Variants in DYM observed in about 807,000 individuals in gnomAD.
DYM encodes the protein dymeclin, also known as dyggve-Melchior-Clausen syndrome protein.
DYM carries 78 observed loss-of-function variants against 93.1 expected under a neutral mutation model. The observed-to-expected ratio is 0.84, with a 90% CI of 0.70 to 1.01. The LOEUF (loss-of-function observed/expected upper bound fraction) is 1.01. DYM is among the 50% of genes least tolerant of loss of function. The pLI is 0.00. For missense variants in DYM, 789 were observed against 845.0 expected (o/e 0.93, Z 0.82); for synonymous variants, 321 against 319.7 (o/e 1.00, Z -0.04).
At chr18:49,269,990 T>C (rs989948867) in intron 11 of DYM, among the ~76,000 whole-genome samples, 11 of 152,216 alleles carry the variant, frequency 7.2e-5, no homozygotes, top group African/African-American at 2.7e-4. Context: ...ATTTTTATGG[T>C]AGCTTTTCTA....
chr18:49,409,394 A>C (rs2071940858), intron 2 of DYM, among the ~76,000 whole-genome samples: 1 of 152,176 alleles, frequency 6.6e-6, no homozygotes. Context: ...ATTGCTGCTT[A>C]AGCAGAAAAT....
chr18:49,362,629 T>A (rs1006443969), intron 6 of DYM, among the ~76,000 whole-genome samples: 14 of 152,084 alleles, frequency 9.2e-5, no homozygotes, highest in African/African-American at 3.1e-4. Context: ...GCTGTTAAGA[T>A]CAAAAAGATG....
intron 8 of DYM, among the ~76,000 whole-genome samples, chr18:49,316,761 T>G (rs974290527): frequency 6.7e-6 from 1 of 149,716 alleles, no homozygotes; most frequent in Non-Finnish European, 1.5e-5. Context: ...TTTTACTATC[T>G]CTCTTTTTTT....
chr18:49,120,404 C>G (rs1047354268), intron 15 of DYM, among the ~76,000 whole-genome samples: 1 of 152,064 alleles, frequency 6.6e-6, no homozygotes, highest in African/African-American at 2.4e-5. Flanking sequence ...AAACGTAAGT[C>G]AAAAGAAAGC....
At position 49,454,907 on chromosome 18, in the gene DYM, CAA is replaced by C. The variant is rs35671085; in HGVS notation, c.-54+5489_-54+5490del. Among the ~76,000 whole-genome samples the C allele has an allele frequency of 6.1e-3, 444 of 73,214 alleles. 1 individual carries two copies. Among genetic ancestry groups the C allele is most frequent in the African/African-American group, 0.018 (356 of 20,148 alleles). 48.0% of individuals were successfully genotyped at this position (73,214 alleles called of 152,430 possible). ...TGGGTGATAGAGCGAGACTCTGTCT[CAA>C]AAAAAAAAAAAAAAAAAAAAAATCT... is the stretch of plus-strand genomic sequence containing the variant. On this transcript the variant is annotated intron_variant, in intron 1 of 17. Transcript: ENST00000675505.
At chr18:49,243,085 A>G (rs571433596) in intron 13 of DYM, among the ~76,000 whole-genome samples, 1 of 152,304 alleles carries the variant, frequency 6.6e-6, no homozygotes, top group Admixed American at 6.5e-5. Flanking sequence ...CTACTTTAAA[A>G]GAGGAGACCT....
At chr18:49,185,405 T>C (rs2090341167) in intron 14 of DYM, among the ~76,000 whole-genome samples, 1 of 152,218 alleles carries the variant, frequency 6.6e-6, no homozygotes, top group Non-Finnish European at 1.5e-5. Flanking sequence ...TATATGACTG[T>C]GGAAACTTGT....
At chr18:49,199,093 C>T (rs1387070589) in intron 14 of DYM, among the ~76,000 whole-genome samples, 1 of 152,154 alleles carries the variant, frequency 6.6e-6, no homozygotes, top group Non-Finnish European at 1.5e-5. Flanking sequence ...ATGGATGAAG[C>T]TGGAAACCAT....
chr18:49,141,626 T>C (rs2084508690), intron 15 of DYM, among the ~76,000 whole-genome samples: 1 of 152,194 alleles, frequency 6.6e-6, no homozygotes, highest in African/African-American at 2.4e-5. Context: ...CTCAGTTAAA[T>C]ATCACTTTCT....
At chr18:49,369,628 A>C (rs977887871) in intron 5 of DYM, among the ~76,000 whole-genome samples, 2 of 151,058 alleles carry the variant, frequency 1.3e-5, no homozygotes, top group African/African-American at 4.8e-5. Flanking sequence ...TCAATCTAAT[A>C]AATTCATGAC....
chr18:49,388,801 T>C (rs1281343499), intron 3 of DYM, among the ~76,000 whole-genome samples: 3 of 148,756 alleles, frequency 2.0e-5, no homozygotes, highest in Non-Finnish European at 4.5e-5. Flanking sequence ...AGCTAGAAAA[T>C]AACGAAATGA....
chr18:49,419,940 A>G (rs1295811168), intron 2 of DYM, among the ~76,000 whole-genome samples: 1 of 152,212 alleles, frequency 6.6e-6, no homozygotes, highest in Non-Finnish European at 1.5e-5. Context: ...TCTAAGTCGT[A>G]TCACTATCAC....
intron 12 of DYM, among the ~76,000 whole-genome samples, chr18:49,257,498 T>C (rs2094411039): frequency 6.6e-6 from 1 of 152,030 alleles, no homozygotes; most frequent in Admixed American, 6.5e-5. Flanking sequence ...GGGTTTCAGA[T>C]AAAAAACATG....
At chr18:49,298,651 GT>G (rs990695275) in intron 8 of DYM, among the ~76,000 whole-genome samples, 4 of 149,750 alleles carry the variant, frequency 2.7e-5, no homozygotes, top group African/African-American at 9.8e-5. Flanking sequence ...TCATATGGAA[GT>G]TTTTTTTAAG....
At chr18:49,423,482 G>A (rs1347482286) in intron 2 of DYM, among the ~76,000 whole-genome samples, 2 of 152,164 alleles carry the variant, frequency 1.3e-5, no homozygotes, top group Non-Finnish European at 2.9e-5. Flanking sequence ...ACAATTAAAA[G>A]AACTAGAGAA....
At position 49,095,103 on chromosome 18, in the gene DYM, T is replaced by A. The variant is rs138831991; in HGVS notation, c.2025+2299A>T. Among the ~76,000 whole-genome samples, 467 of 152,312 alleles carry A rather than the reference T, an allele frequency of 3.1e-3. 3 individuals are homozygous for A. Among genetic ancestry groups the A allele is most frequent in the African/African-American group, 0.01 (432 of 41,566 alleles). ...TATTACACACCCGACAATTATTTTATCAGTATATATTAGTAAACTACTCCA... is the reference window on the plus strand; with the variant it reads ...TATTACACACCCGACAATTATTTTAACAGTATATATTAGTAAACTACTCCA... On this transcript the variant is annotated intron_variant, in intron 17 of 17. Coordinates refer to ENST00000675505, the MANE Select transcript of DYM (RefSeq NM_001353214.3).
chr18:49,143,843 C>T (rs1008574475), intron 15 of DYM, among the ~76,000 whole-genome samples: 2 of 152,136 alleles, frequency 1.3e-5, no homozygotes, highest in African/African-American at 2.4e-5. Flanking sequence ...CAACTCATGG[C>T]TAATCTTGTT....
At chr18:49,171,079 A>T (rs1215628751) in intron 14 of DYM, among the ~76,000 whole-genome samples, 1 of 152,196 alleles carries the variant, frequency 6.6e-6, no homozygotes, top group African/African-American at 2.4e-5. Context: ...ATCAGTGGTG[A>T]CTTTATCCAC....
At chr18:49,088,550 TAAAAA>T (rs200912955) in intron 17 of DYM, among the ~76,000 whole-genome samples, 1 of 106,920 alleles carries the variant, frequency 9.4e-6, no homozygotes. Context: ...CCCTAGAACT[TAAAAA>T]AAAAAAAAAA....
Sources: allele counts gnomAD v4.1 joint callset (sites outside exome capture counted in the v4.1 genomes callset), GRCh38; gene constraint gnomAD v4.1.1; transcripts MANE v1.5; gene names NCBI Gene and HGNC (gene_info 2026-07-23, HGNC 2026-07-21).